The following RPH3A variants were observed in gnomAD, a reference collection of about 807,000 sequenced individuals.
RPH3A encodes the protein rabphilin-3A.
RPH3A carries 48 observed loss-of-function variants against 102.2 expected under a neutral mutation model. The observed-to-expected ratio is 0.47, with a 90% CI of 0.37 to 0.60. The LOEUF (loss-of-function observed/expected upper bound fraction) is 0.60. Ranked by LOEUF, RPH3A falls within the 20% of genes least tolerant of loss-of-function variation. The pLI, the probability that RPH3A is intolerant of heterozygous loss-of-function variation, is 0.00. For synonymous variants in RPH3A, 310 were observed against 324.3 expected (o/e 0.96, Z 0.47); for missense variants, 781 against 910.1 (o/e 0.86, Z 1.83).
At chr12:112,653,207 G>A (rs1448696037) in intron 1 of RPH3A, among the ~76,000 whole-genome samples, 2 of 151,712 alleles carry the variant, frequency 1.3e-5, no homozygotes, top group Admixed American at 6.6e-5. Flanking sequence ...CCTGGTCAAC[G>A]GTGAAACCCC....
At chr12:112,859,579 G>T (rs1357335218) in intron 5 of RPH3A, among the ~76,000 whole-genome samples, 1 of 152,184 alleles carries the variant, frequency 6.6e-6, no homozygotes, top group Non-Finnish European at 1.5e-5. Flanking sequence ...ATATTCAGGT[G>T]AGCATGTTTC....
chr12:112,869,443 T>C (rs1398264519), intron 8 of RPH3A: 7 of 282,426 alleles, frequency 2.5e-5, no homozygotes, highest in East Asian at 7.2e-5. Context: ...TGCCAACATA[T>C]ATTGCATCCC....
chr12:112,867,201 T>TCTAATCCTTACTGCTTTTTTCTCCCC (rs1379176466), intron 7 of RPH3A, among the ~76,000 whole-genome samples: 1 of 152,126 alleles, frequency 6.6e-6, no homozygotes, highest in African/African-American at 2.4e-5. Flanking sequence ...CTTTTCTTCC[T>TCTAATCCTTACTGCTTTTTTCTCCCC]CTAATCCTTA....
intron 1 of RPH3A, among the ~76,000 whole-genome samples, chr12:112,714,939 T>C (rs2040503872): frequency 1.3e-5 from 2 of 152,208 alleles, no homozygotes; most frequent in South Asian, 4.1e-4. Flanking sequence ...TTACTTCCCT[T>C]TTCTTCTCTG....
upstream of RPH3A, among the ~76,000 whole-genome samples, chr12:112,789,170 C>G (rs113557666): frequency 6.6e-6 from 1 of 152,040 alleles, no homozygotes; most frequent in Non-Finnish European, 1.5e-5. Flanking sequence ...ATAAAACAAA[C>G]GATATTGTTT....
intron 1 of RPH3A, among the ~76,000 whole-genome samples, chr12:112,780,786 CA>C: frequency 6.6e-6 from 1 of 152,082 alleles, no homozygotes; most frequent in East Asian, 1.9e-4. Context: ...TCAGAATGGC[CA>C]ACAAGGAGAC....
At chr12:112,576,556 A>C (rs2039360485) in intron 1 of RPH3A, among the ~76,000 whole-genome samples, 2 of 152,284 alleles carry the variant, frequency 1.3e-5, no homozygotes, top group African/African-American at 4.8e-5. Context: ...GGGTTTTGCC[A>C]TGATGGCCAG....
At chr12:112,869,723 C>T in intron 8 of RPH3A, 36 bp from the exon 9 acceptor site, 1 of 1,611,968 alleles carries the variant, frequency 6.2e-7, no homozygotes, top group Non-Finnish European at 8.5e-7. Context: ...CACCAGAAAA[C>T]CAGTACTCCT....
chr12:112,777,544 A>T (rs896389767), intron 1 of RPH3A, among the ~76,000 whole-genome samples: 1 of 152,196 alleles, frequency 6.6e-6, no homozygotes, highest in Non-Finnish European at 1.5e-5. Context: ...GCTTTTTGCC[A>T]TCAAAACTGT....
intron 1 of RPH3A, among the ~76,000 whole-genome samples, chr12:112,678,291 AAGAAAGAAAGAAAGAG>A (rs1566255267): frequency 1.3e-4 from 4 of 30,730 alleles, no homozygotes; most frequent in Non-Finnish European, 2.8e-4. Flanking sequence ...GAAAGAAAGA[AAGAAAGAAAGAAAGAG>A]AGAGAGAGAG....
At chr12:112,621,362 G>T (rs1286102486) in intron 1 of RPH3A, among the ~76,000 whole-genome samples, 44 of 149,358 alleles carry the variant, frequency 2.9e-4, no homozygotes, top group Admixed American at 2.9e-3. Flanking sequence ...CACCGTGCGC[G>T]AGCCGAAGCA....
At chr12:112,579,516 C>G (rs553764225) in intron 1 of RPH3A, among the ~76,000 whole-genome samples, 63 of 151,976 alleles carry the variant, frequency 4.1e-4, no homozygotes, top group African/African-American at 1.5e-3. Flanking sequence ...CATCTTTCCT[C>G]TTGTATTAAA....
At chr12:112,793,422 C>G (rs969858933) in intron 2 of RPH3A, among the ~76,000 whole-genome samples, 2 of 152,190 alleles carry the variant, frequency 1.3e-5, no homozygotes, top group Admixed American at 1.3e-4. Context: ...AAACAACAGT[C>G]AGAGATTGGC....
intron 1 of RPH3A, among the ~76,000 whole-genome samples, chr12:112,766,235 C>T (rs965432027): frequency 6.6e-6 from 1 of 152,140 alleles, no homozygotes; most frequent in Non-Finnish European, 1.5e-5. Context: ...GTATGGATGG[C>T]AACACCAAAT....
intron 1 of RPH3A, among the ~76,000 whole-genome samples, chr12:112,684,202 C>A (rs1189465783): frequency 6.6e-6 from 1 of 152,088 alleles, no homozygotes. Flanking sequence ...AAACATTGTA[C>A]CAGTTTAGAA....
chr12:112,681,585 T>G (rs935931359), intron 1 of RPH3A, among the ~76,000 whole-genome samples: 1 of 152,246 alleles, frequency 6.6e-6, no homozygotes, highest in Non-Finnish European at 1.5e-5. Flanking sequence ...TCCATCTCAC[T>G]GTCTACATTA....
intron 4 of RPH3A, among the ~76,000 whole-genome samples, chr12:112,840,787 C>A (rs979594014): frequency 2.0e-5 from 3 of 152,078 alleles, no homozygotes; most frequent in Admixed American, 2.0e-4. Context: ...GGGCATACAA[C>A]CAATTCCCCG....
Position 112,724,371 on chromosome 12 carries a change from T to G in RPH3A, c.-139-67772T>G, listed in dbSNP as rs376530692. ...TGAGCCACTGTGGCTGGCCAATATT[T>G]TTTTAATATTTTTTGGCAGTTTATC... is the stretch of plus-strand genomic sequence containing the variant. On this transcript the variant is annotated intron_variant, in intron 1 of 21. Transcript: ENST00000543106. Among the ~76,000 whole-genome samples the G allele has an allele frequency of 5.8e-4, 89 of 152,306 alleles. 2 individuals carry two copies. The South Asian group carries it at 0.013, about 23-fold the overall frequency.
chr12:112,831,083 T>A (rs1294504601), intron 3 of RPH3A, among the ~76,000 whole-genome samples: 1 of 150,662 alleles, frequency 6.6e-6, no homozygotes, highest in African/African-American at 2.4e-5. Context: ...ATAGGCAATA[T>A]GCACATAAGT....
Sources: gnomAD v4.1 joint callset for allele counts (sites outside exome capture counted in the v4.1 genomes callset) on GRCh38, gnomAD v4.1.1 for gene constraint, MANE v1.5 for transcripts, NCBI Gene and HGNC (gene_info 2026-07-23, HGNC 2026-07-21) for gene names.